C14orf39: variants seen among roughly 807,000 people sequenced by gnomAD.
The protein encoded by C14orf39 is chromosome 14 open reading frame 39, also known as protein SIX6OS1.
Under a neutral mutation model 85.6 loss-of-function variants are expected in C14orf39, and 66 were observed. The observed-to-expected ratio is 0.77, with a 90% CI of 0.63 to 0.95. C14orf39 has a LOEUF of 0.95. C14orf39 is among the 40% of genes least tolerant of loss of function. The pLI, the probability that C14orf39 is intolerant of heterozygous loss-of-function variation, is 0.00. For missense variants in C14orf39, 735 were observed against 663.9 expected, an observed-to-expected ratio of 1.11 and a Z score of -1.18; for synonymous variants, 242 against 214.0, an observed-to-expected ratio of 1.13 and a Z score of -1.14.
chr14:60,473,662 C>A (rs1892218949), intron 5 of C14orf39, among the ~76,000 whole-genome samples: 2 of 152,264 alleles, frequency 1.3e-5, no homozygotes, highest in East Asian at 3.9e-4. Context: ...AATAGGGAAT[C>A]CTTTCCCCAT....
rs917739694 is a variant in C14orf39, at chr14:60,438,381, G to T, written c.1562-1334C>A. Among the ~76,000 whole-genome samples, 3 of 152,050 alleles carry T rather than the reference G, an allele frequency of 2.0e-5. No individual in the cohort carries two copies. The South Asian group carries it at 6.2e-4, about 32-fold the overall frequency. On this transcript the variant is annotated intron_variant, in intron 17 of 17. Transcript: ENST00000321731. ...CAGCCATATGACTTAAAGAAAAATA[G>T]GTATAATGTAAACACGGATCCAAAA...
chr14:60,439,624 T>G (rs1326260133), intron 17 of C14orf39, among the ~76,000 whole-genome samples: 1 of 152,108 alleles, frequency 6.6e-6, no homozygotes, highest in East Asian at 1.9e-4. Flanking sequence ...GTTTTTAATG[T>G]CAAAAGATGT....
intron 1 of C14orf39, chr14:60,512,268 A>G (rs548790491): frequency 1.2e-4 from 19 of 152,274 alleles, no homozygotes; most frequent in African/African-American, 4.6e-4. Context: ...AAAAATGCAA[A>G]ACTATCCTGA....
At chr14:60,452,751 T>C (rs1891095275) in intron 16 of C14orf39, among the ~76,000 whole-genome samples, 1 of 152,124 alleles carries the variant, frequency 6.6e-6, no homozygotes, top group Non-Finnish European at 1.5e-5. Context: ...TCAAAATATC[T>C]TAGGGAGCCC....
In C14orf39 at chr14:60,509,738, C is replaced by T; in HGVS notation, c.-144+5657G>A. On this transcript the variant is annotated intron_variant, in intron 1 of 5. Transcript: ENST00000556799. ...ACCCCTGGGACCTGTGGACAAGTAC[C>T]GAGTAAGGAAGAAGTTCCCGCTGCC... The T allele has an allele frequency of 1.2e-6, 2 of 1,613,550 alleles. No homozygotes were observed. Among genetic ancestry groups the T allele is most frequent in the Non-Finnish European group, 1.7e-6 (2 of 1,179,552 alleles).
chr14:60,479,500 A>C (rs746857742), intron 4 of C14orf39, among the ~76,000 whole-genome samples: 8 of 152,186 alleles, frequency 5.3e-5, no homozygotes, highest in Non-Finnish European at 1.0e-4. Flanking sequence ...ACACAATATA[A>C]CTATCTCATA....
chr14:60,509,310 AGC>A (rs2140187548), intron 1 of C14orf39: 1 of 1,162,036 alleles, frequency 8.6e-7, no homozygotes, highest in East Asian at 2.4e-5. Flanking sequence ...CTCATCAACA[AGC>A]GCCTGGCACA....
intron 8 of C14orf39, 69 bp from the exon 9 acceptor site, chr14:60,468,605 T>G: frequency 1.2e-6 from 1 of 833,152 alleles, no homozygotes; most frequent in Non-Finnish European, 1.8e-6. Flanking sequence ...ATATGCTTTA[T>G]CTTATGTTTT....
chr14:60,511,050 G>C (rs1893283791), intron 1 of C14orf39: 6 of 1,606,766 alleles, frequency 3.7e-6, no homozygotes, highest in East Asian at 4.5e-5. Context: ...GCTGTGTTAC[G>C]AGCTGTGACC....
At chr14:60,446,786 T>C (rs1003322326) in intron 16 of C14orf39, among the ~76,000 whole-genome samples, 1 of 152,154 alleles carries the variant, frequency 6.6e-6, no homozygotes, top group African/African-American at 2.4e-5. Context: ...TGAACATCAA[T>C]GTGAAAATCC....
chr14:60,493,678 G>A (rs1893026061), intron 2 of C14orf39: 1 of 152,162 alleles, frequency 6.6e-6, no homozygotes, highest in Non-Finnish European at 1.5e-5. Context: ...TAGCAACAAT[G>A]GTGATTGTAG....
rs1433758975 is a variant in C14orf39 at position 60,491,689 on chromosome 14, C to A, written c.-8-6603G>T. ...TCAGCTGCCGCCATCTAAATTCATT[C>A]TCTCACCTGGATTATTGTACTAACT... is the stretch of plus-strand genomic sequence containing the variant. On this transcript the variant is annotated intron_variant, in intron 2 of 5. Transcript: ENST00000556799. The surrounding 1 kb of genome is among the most constrained non-coding windows in gnomAD (Gnocchi z 4.5). Among the ~76,000 whole-genome samples, 1 of 152,160 alleles carries A rather than the reference C, an allele frequency of 6.6e-6. No homozygotes were observed. The highest frequency in any genetic ancestry group is 2.4e-5 in the African/African-American group (1 of 41,432).
chr14:60,486,443 C>G (rs1892896127), upstream of C14orf39, among the ~76,000 whole-genome samples: 2 of 152,264 alleles, frequency 1.3e-5, no homozygotes, highest in Non-Finnish European at 2.9e-5. Flanking sequence ...AAATTCAATT[C>G]TGAATTCAGC....
intron 16 of C14orf39, among the ~76,000 whole-genome samples, chr14:60,446,376 G>A (rs1183439007): frequency 6.6e-6 from 1 of 152,166 alleles, no homozygotes; most frequent in Admixed American, 6.5e-5. Context: ...TATCACCACT[G>A]ATCCCACAGA....
chr14:60,468,636 C>T (rs890297476), intron 8 of C14orf39, 100 bp from the exon 9 acceptor site: 2 of 578,328 alleles, frequency 3.5e-6, no homozygotes, highest in South Asian at 4.1e-5. Context: ...TCATAAGATT[C>T]ATATTTTTGA....
At chr14:60,507,648 C>A (rs964836636) in intron 1 of C14orf39, among the ~76,000 whole-genome samples, 1 of 152,174 alleles carries the variant, frequency 6.6e-6, no homozygotes, top group Non-Finnish European at 1.5e-5. Flanking sequence ...TCAGAACGAG[C>A]TTTGCCCTGC....
At chr14:60,466,152 G>A (rs978004618) in intron 10 of C14orf39, 97 bp from the exon 11 acceptor site, 17 of 485,858 alleles carry the variant, frequency 3.5e-5, no homozygotes, top group Non-Finnish European at 4.9e-5. Flanking sequence ...AGAAAATCAA[G>A]TCTACATGAA....
At chr14:60,485,365 T>C (rs1050592879) in intron 1 of C14orf39, among the ~76,000 whole-genome samples, 1 of 152,176 alleles carries the variant, frequency 6.6e-6, no homozygotes, top group African/African-American at 2.4e-5. Context: ...ATGCGTGGGA[T>C]TGCAACAAGC....
chr14:60,511,353 C>T, intron 1 of C14orf39: 1 of 1,410,680 alleles, frequency 7.1e-7, no homozygotes, highest in Non-Finnish European at 1.0e-6. Flanking sequence ...TCCAGCGCCA[C>T]AGAAGCCAGG....
Sources: gnomAD v4.1 joint callset for allele counts (sites outside exome capture counted in the v4.1 genomes callset) on GRCh38, gnomAD v4.1.1 for gene constraint, Gnocchi (gnomAD v3.1) non-coding constraint, MANE v1.5 for transcripts, NCBI Gene and HGNC (gene_info 2026-07-23, HGNC 2026-07-21) for gene names.